Variants in MCTP1 observed in about 807,000 individuals in gnomAD.
The protein encoded by MCTP1 is multiple C2 and transmembrane domain containing 1, also known as multiple C2 and transmembrane domain-containing protein 1.
MCTP1 carries 69 observed loss-of-function variants against 120.6 expected under a neutral mutation model. The ratio of observed to expected loss-of-function variants is 0.57; its 90% CI spans 0.47 to 0.70. The LOEUF (loss-of-function observed/expected upper bound fraction) is 0.70. MCTP1 is among the 30% of genes least tolerant of loss of function. The pLI is 0.00. For missense variants in MCTP1, 1,203 were observed against 1,248.8 expected (o/e 0.96, Z 0.55); for synonymous variants, 529 against 493.1 (o/e 1.07, Z -0.96).
rs1225329585 is a variant in MCTP1, at chr5:94,875,902, T to C, written c.1934-2661A>G. Among the ~76,000 whole-genome samples, 6 of 152,258 alleles carry C rather than the reference T, an allele frequency of 3.9e-5. No individual in the cohort carries two copies. The East Asian group carries it at 1.2e-3, about 29-fold the overall frequency. On this transcript the variant is annotated intron_variant, in intron 12 of 22. Coordinates refer to ENST00000515393, the MANE Select transcript of MCTP1 (RefSeq NM_024717.7). ...CATCTTTTCCTTTTAAAAAGTTCTC[T>C]TTTTACAGTTATCATTAATGGATGC...
intron 12 of MCTP1, among the ~76,000 whole-genome samples, chr5:94,887,951 A>T (rs185954081): frequency 3.9e-5 from 6 of 152,260 alleles, no homozygotes; most frequent in African/African-American, 1.4e-4. Flanking sequence ...GAAAAAGCAC[A>T]TTTCTTCCCT....
At chr5:95,205,605 T>C (rs768547612) in intron 1 of MCTP1, among the ~76,000 whole-genome samples, 22 of 152,110 alleles carry the variant, frequency 1.4e-4, no homozygotes, top group Admixed American at 7.2e-4. Context: ...GGGACTTGTA[T>C]CTAGAATATA....
At chr5:95,277,109 G>T (rs1215971853) in intron 1 of MCTP1, among the ~76,000 whole-genome samples, 1 of 152,160 alleles carries the variant, frequency 6.6e-6, no homozygotes, top group South Asian at 2.1e-4. Context: ...GTATAGGCAG[G>T]AATCAGAAAT....
At chr5:94,938,981 AT>A (rs1419835529) in intron 5 of MCTP1, among the ~76,000 whole-genome samples, 1 of 152,098 alleles carries the variant, frequency 6.6e-6, no homozygotes, top group Non-Finnish European at 1.5e-5. Context: ...CACACTAGGT[AT>A]TATTATCTGG....
intron 19 of MCTP1, among the ~76,000 whole-genome samples, chr5:94,763,960 A>T (rs551139899): frequency 6.6e-6 from 1 of 152,362 alleles, no homozygotes; most frequent in South Asian, 2.1e-4. Flanking sequence ...GTTATGTTGC[A>T]GTCACAAAGA....
intron 3 of MCTP1, among the ~76,000 whole-genome samples, chr5:94,948,900 T>C (rs1819786435): frequency 6.6e-6 from 1 of 152,186 alleles, no homozygotes; most frequent in African/African-American, 2.4e-5. Context: ...AGAAATAATT[T>C]TGGACAGGAC....
At position 94,842,648 on chromosome 5, in the gene MCTP1, A is replaced by G. The variant is rs192518766; in HGVS notation, c.2436+25685T>C. 4.5e-3 allele frequency among the ~76,000 whole-genome samples: 691 copies of G among 152,314 alleles called. 3 individuals carry two copies. The highest frequency in any genetic ancestry group is 7.6e-3 in the Non-Finnish European group (514 of 68,022). ...ATAGAGCAAATCCAACTATTTTAGA[A>G]TGTTCTTCCTCAAAGTGAATGTGAT... On this transcript the variant is annotated intron_variant, in intron 17 of 22. Transcript: ENST00000515393.
chr5:95,142,446 T>A (rs1437270466), intron 1 of MCTP1, among the ~76,000 whole-genome samples: 2 of 152,228 alleles, frequency 1.3e-5, no homozygotes, highest in Admixed American at 6.5e-5. Context: ...GCTTGGAAAT[T>A]TCTTTTCAGT....
intron 1 of MCTP1, among the ~76,000 whole-genome samples, chr5:95,106,460 G>A (rs1245528280): frequency 6.6e-6 from 1 of 152,188 alleles, no homozygotes; most frequent in Non-Finnish European, 1.5e-5. Flanking sequence ...TGATGACACT[G>A]GGGAGACCCT....
At chr5:94,749,459 A>G (rs1767711690) in intron 19 of MCTP1, among the ~76,000 whole-genome samples, 1 of 152,118 alleles carries the variant, frequency 6.6e-6, no homozygotes, top group Non-Finnish European at 1.5e-5. Context: ...GTTCAAAACC[A>G]GCCTGGCCAA....
intron 3 of MCTP1, among the ~76,000 whole-genome samples, chr5:94,949,739 A>C (rs1440600353): frequency 1.3e-5 from 2 of 152,100 alleles, no homozygotes; most frequent in Admixed American, 1.3e-4. Flanking sequence ...TCGTATACTT[A>C]ATGTGTTCTA....
chr5:95,284,211 C>G lies in MCTP1; in HGVS notation c.365G>C (p.Arg122Pro). Reference protein sequence around the residue: ...AGRAEQGSTLRRRIREHLLPA... With the variant: ...AGRAEQGSTLPRRIREHLLPA... ...GAGCAAATGCTCGCGGATCCGGCGG[C>G]GTAGCGTGGACCCCTGCTCGGCTCT... Residue 122 changes from arginine to proline, a missense_variant, in exon 1 of 23, where the codon CGC becomes CCC. Arg to Pro is a moderately radical substitution (Grantham distance 103). Transcript: ENST00000515393. The surrounding 1 kb of genome is among the most constrained non-coding windows in gnomAD (Gnocchi z 5.2). 6.4e-7 allele frequency: 1 copy of G among 1,571,742 alleles called. No individual in the cohort carries two copies. The highest frequency in any genetic ancestry group is 8.6e-7 in the Non-Finnish European group (1 of 1,163,794).
chr5:94,801,829 T>C (rs1448119929), intron 17 of MCTP1, among the ~76,000 whole-genome samples: 1 of 152,192 alleles, frequency 6.6e-6, no homozygotes, highest in Admixed American at 6.5e-5. Flanking sequence ...CTTTCATGCA[T>C]TCTTCTTCTC....
intron 6 of MCTP1, chr5:94,930,735 T>A (rs758082061): frequency 1.3e-5 from 2 of 152,152 alleles, no homozygotes; most frequent in Non-Finnish European, 2.9e-5. Flanking sequence ...CACAAATATA[T>A]CCAATTATAT....
intron 1 of MCTP1, among the ~76,000 whole-genome samples, chr5:95,212,642 G>T (rs1752528253): frequency 6.6e-6 from 1 of 151,630 alleles, no homozygotes; most frequent in Non-Finnish European, 1.5e-5. Flanking sequence ...GAATCCAGCA[G>T]CACATCAAAA....
intron 19 of MCTP1, among the ~76,000 whole-genome samples, chr5:94,741,803 G>A (rs769589447): frequency 5.3e-5 from 8 of 152,226 alleles, no homozygotes; most frequent in East Asian, 1.9e-4. Flanking sequence ...GCTTGCATGC[G>A]TTGAATTAGA....
At chr5:94,937,993 C>T (rs913871806) in intron 5 of MCTP1, among the ~76,000 whole-genome samples, 2 of 152,036 alleles carry the variant, frequency 1.3e-5, no homozygotes, top group African/African-American at 2.4e-5. Context: ...ATTCTATCAC[C>T]AAGTCTTGTT....
intron 12 of MCTP1, among the ~76,000 whole-genome samples, chr5:94,879,982 T>C (rs1444850744): frequency 6.6e-6 from 1 of 152,030 alleles, no homozygotes; most frequent in Non-Finnish European, 1.5e-5. Context: ...TGATATATGT[T>C]GGGAAGCTCA....
In MCTP1 at chr5:94,763,040, T is replaced by G. The variant is rs1432950308; in HGVS notation, c.2610+16070A>C. On this transcript the variant is annotated intron_variant, in intron 19 of 22. Transcript: ENST00000515393. Reference sequence around the variant, plus strand: ...TCTCCTTTACTCTCTTCAACATAAATTTTTTCAATAATCTATTAGCTATTT... The same window carrying G: ...TCTCCTTTACTCTCTTCAACATAAAGTTTTTCAATAATCTATTAGCTATTT... 2.0e-4 allele frequency among the ~76,000 whole-genome samples: 30 copies of G among 152,194 alleles called. 1 individual carries two copies. The highest frequency in any genetic ancestry group is 2.0e-3 in the Admixed American group (30 of 15,272).
Sources: gnomAD v4.1 joint callset for allele counts (sites outside exome capture counted in the v4.1 genomes callset) on GRCh38, gnomAD v4.1.1 for gene constraint, Gnocchi (gnomAD v3.1) non-coding constraint, MANE v1.5 for transcripts, NCBI Gene and HGNC (gene_info 2026-07-23, HGNC 2026-07-21) for gene names.